The following PTGER4 variants were observed in gnomAD, a reference collection of about 807,000 sequenced individuals.
PTGER4 encodes prostaglandin E receptor 4, also known as prostaglandin E2 receptor EP4 subtype.
PTGER4 carries 11 observed loss-of-function variants against 33.2 expected under a neutral mutation model. That is an observed-to-expected ratio of 0.33 (90% CI 0.21 to 0.55). PTGER4 has a LOEUF of 0.55. PTGER4 is among the 20% of genes least tolerant of loss of function. The pLI is 0.92. For synonymous variants in PTGER4, 275 were observed against 281.5 expected (o/e 0.98, Z 0.23); for missense variants, 481 against 650.2 (o/e 0.74, Z 2.83).
At chr5:40,684,238 G>A (rs1741273731) in intron 2 of PTGER4, among the ~76,000 whole-genome samples, 1 of 149,770 alleles carries the variant, frequency 6.7e-6, no homozygotes, top group South Asian at 2.1e-4. Context: ...TATTCATGTT[G>A]TAAATTAAGA....
chr5:40,683,720 G>C lies in PTGER4; in HGVS notation c.867+1860G>C, dbSNP rs1038522280. Among the ~76,000 whole-genome samples, 2 of 152,162 alleles carry C rather than the reference G, an allele frequency of 1.3e-5. No homozygotes were observed. The highest frequency in any genetic ancestry group is 4.8e-5 in the African/African-American group (2 of 41,448). ...TCCAACATCTAGAGAGACATACAAGGCTTAATTCACCTCATAGGCTGAAGT... is the reference window on the plus strand; with the variant it reads ...TCCAACATCTAGAGAGACATACAAGCCTTAATTCACCTCATAGGCTGAAGT... On this transcript the variant is annotated intron_variant, in intron 2 of 2. Transcript: ENST00000302472. This position sits in a 1 kb window ranked among gnomAD's most constrained non-coding sequence, Gnocchi z 4.2.
the PTGER4 span, among the ~76,000 whole-genome samples, chr5:40,709,606 G>T: frequency 6.6e-6 from 1 of 152,136 alleles, no homozygotes; most frequent in East Asian, 1.9e-4. Context: ...TGGCCATACT[G>T]CCCAAGGTAA....
the PTGER4 span, among the ~76,000 whole-genome samples, chr5:40,701,502 T>G: frequency 1.3e-5 from 2 of 151,978 alleles, no homozygotes; most frequent in African/African-American, 4.8e-5. Flanking sequence ...TACAAAAGAA[T>G]GAACAAAACC....
At chr5:40,698,250 C>T (rs551236421), downstream of PTGER4, among the ~76,000 whole-genome samples, 1 of 151,922 alleles carries the variant, frequency 6.6e-6, no homozygotes, top group South Asian at 2.1e-4. Flanking sequence ...TGGACACCAG[C>T]CTGGGCAACA....
chr5:40,719,414 T>A, the PTGER4 span, among the ~76,000 whole-genome samples: 1 of 152,262 alleles, frequency 6.6e-6, no homozygotes, highest in Non-Finnish European at 1.5e-5. Context: ...TAATATTTCA[T>A]TGTATGGATA....
At chr5:40,685,955 A>C (rs969300563) in intron 2 of PTGER4, among the ~76,000 whole-genome samples, 16 of 152,322 alleles carry the variant, frequency 1.1e-4, no homozygotes, top group African/African-American at 2.4e-4. Context: ...ATAAAAAAAA[A>C]CAGAAACTTT....
At chr5:40,731,362 ACAC>A in the PTGER4 span, among the ~76,000 whole-genome samples, 1 of 80,120 alleles carries the variant, frequency 1.2e-5, no homozygotes, top group African/African-American at 4.3e-5. Context: ...ATCCCCTGCT[ACAC>A]ATACACACAC....
chr5:40,701,739 C>T, the PTGER4 span, among the ~76,000 whole-genome samples: 1 of 152,086 alleles, frequency 6.6e-6, no homozygotes, highest in Non-Finnish European at 1.5e-5. Context: ...ATCAGATTTT[C>T]CAAGGTTGAA....
At chr5:40,688,160 T>C (rs1741374033) in intron 2 of PTGER4, among the ~76,000 whole-genome samples, 1 of 152,212 alleles carries the variant, frequency 6.6e-6, no homozygotes, top group Admixed American at 6.5e-5. Flanking sequence ...ATGTTTCCTT[T>C]GAGGTTGTGG....
At chr5:40,726,939 T>C in the PTGER4 span, among the ~76,000 whole-genome samples, 1 of 152,144 alleles carries the variant, frequency 6.6e-6, no homozygotes, top group Non-Finnish European at 1.5e-5. Context: ...AGTCTTCATG[T>C]AAAAAGAGAG....
chr5:40,714,027 C>T, the PTGER4 span, among the ~76,000 whole-genome samples: 1 of 152,064 alleles, frequency 6.6e-6, no homozygotes. Flanking sequence ...TATTTTATGT[C>T]TTATATCTGG....
Position 40,692,024 on chromosome 5 carries a change from T to G in PTGER4, c.1113T>G (p.Ser371=), listed in dbSNP as rs1210031668. ...GCTCAGACAGTCAAAGGACATCTTC[T>G]GCCATGTCAGGCCACTCTCGCTCCT... The part of the protein sequence containing the change: ...QHCSDSQRTS[S]AMSGHSRSFI... Residue 371 remains serine, a synonymous_variant, in exon 3 of 3, where the codon TCT becomes TCG. Coordinates refer to ENST00000302472, the MANE Select transcript of PTGER4 (RefSeq NM_000958.3). The G allele has an allele frequency of 6.2e-7, 1 of 1,614,198 alleles. No individual in the cohort carries two copies. The highest frequency in any genetic ancestry group is 8.5e-7 in the Non-Finnish European group (1 of 1,180,030).
chr5:40,681,747 A>G lies in PTGER4; in HGVS notation c.754A>G (p.Ser252Gly), dbSNP rs1283983997. The stretch of plus-strand genomic sequence containing the variant: ...TGCCTCCCCAGCCTTGCCGCGCCTC[A>G]GCGACTTTCGGCGCCGCCGGAGCTT... Reference protein sequence around the residue: ...PAASPALPRLSDFRRRRSFRR... With the variant: ...PAASPALPRLGDFRRRRSFRR... The change falls in exon 2 of 3, where the codon AGC (serine) becomes GGC (glycine). Residue 252 changes from serine to glycine, a missense_variant. Coordinates refer to ENST00000302472, the MANE Select transcript of PTGER4 (RefSeq NM_000958.3). The surrounding 1 kb of genome is among the most constrained non-coding windows in gnomAD (Gnocchi z 9.8). The G allele has an allele frequency of 6.9e-6, 11 of 1,595,288 alleles. No homozygotes were observed. The highest frequency in any genetic ancestry group is 9.4e-6 in the Non-Finnish European group (11 of 1,175,534).
chr5:40,695,501 G>A (rs535181089), downstream of PTGER4, among the ~76,000 whole-genome samples: 29 of 152,098 alleles, frequency 1.9e-4, no homozygotes, highest in East Asian at 3.5e-3. Flanking sequence ...AGCCGAGATC[G>A]TGCGACTGAA....
the PTGER4 span, among the ~76,000 whole-genome samples, chr5:40,739,383 G>A: frequency 2.6e-5 from 4 of 152,160 alleles, no homozygotes; most frequent in Admixed American, 1.3e-4. Context: ...TCCAATCTAT[G>A]AGCATTGATA....
At chr5:40,744,060 T>TA in the PTGER4 span, among the ~76,000 whole-genome samples, 1 of 152,366 alleles carries the variant, frequency 6.6e-6, no homozygotes, top group South Asian at 2.1e-4. Flanking sequence ...TTAGTGTGGT[T>TA]AAAAGTTAAT....
chr5:40,714,855 T>C, the PTGER4 span: 5 of 152,340 alleles, frequency 3.3e-5, no homozygotes, highest in Non-Finnish European at 7.4e-5. Flanking sequence ...GCTACTTTCA[T>C]CTCTAACAAA....
chr5:40,697,268 AAGAAAGAAAGAAAGAAAG>A (rs1741631570), downstream of PTGER4, among the ~76,000 whole-genome samples: 5 of 125,452 alleles, frequency 4.0e-5, no homozygotes, highest in Admixed American at 3.6e-4. Context: ...GAAAGAAAGA[AAGAAAGAAAGAAAGAAAG>A]AAAGAAAGAA....
At chr5:40,745,091 A>T in the PTGER4 span, among the ~76,000 whole-genome samples, 1 of 152,208 alleles carries the variant, frequency 6.6e-6, no homozygotes, top group African/African-American at 2.4e-5. Flanking sequence ...CTCTTCCAAT[A>T]GTCAGTGTCA....
Sources: gnomAD v4.1 joint callset for allele counts (sites outside exome capture counted in the v4.1 genomes callset) on GRCh38, gnomAD v4.1.1 for gene constraint, Gnocchi (gnomAD v3.1) non-coding constraint, MANE v1.5 for transcripts, NCBI Gene and HGNC (gene_info 2026-07-23, HGNC 2026-07-21) for gene names.